ICA1: variants seen among roughly 807,000 people sequenced by gnomAD.
The protein encoded by ICA1 is 69 kDa islet cell autoantigen.
ICA1 carries 40 observed loss-of-function variants against 71.0 expected under a neutral mutation model. The ratio of observed to expected loss-of-function variants is 0.56; its 90% confidence interval spans 0.44 to 0.73. The LOEUF (loss-of-function observed/expected upper bound fraction) is 0.73. Ranked by LOEUF, ICA1 falls within the 30% of genes least tolerant of loss-of-function variation. The pLI, the probability that ICA1 is intolerant of heterozygous loss-of-function variation, is 0.00. For synonymous variants in ICA1, 207 were observed against 209.5 expected (o/e 0.99, Z 0.10); for missense variants, 578 against 576.5 (o/e 1.00, Z -0.03).
At chr7:8,157,596 C>T in intron 7 of ICA1, 1 of 210,582 alleles carries the variant, frequency 4.7e-6, no homozygotes, top group Non-Finnish European at 9.3e-6. Flanking sequence ...TTTCACTTAG[C>T]ACACTCTGCT....
chr7:8,215,015 T>A (rs1794971315), intron 6 of ICA1, among the ~76,000 whole-genome samples: 1 of 152,150 alleles, frequency 6.6e-6, no homozygotes, highest in Non-Finnish European at 1.5e-5. Flanking sequence ...CATGGTTACC[T>A]TATGTCTCAT....
At chr7:8,228,547 A>G (rs1230356810) in intron 4 of ICA1, 54 bp downstream of exon 4, 22 of 1,119,254 alleles carry the variant, frequency 2.0e-5, no homozygotes, top group Non-Finnish European at 2.8e-5. Context: ...TCAAGACAAA[A>G]TACCCTGCTA....
At chr7:8,143,782 T>A (rs1181544440) in intron 9 of ICA1, 93 bp downstream of exon 9, 1 of 764,036 alleles carries the variant, frequency 1.3e-6, no homozygotes, top group East Asian at 2.5e-5. Context: ...AAGACAAGTC[T>A]GCGTCTGAGG....
chr7:8,243,167 A>G (rs1035475461), intron 1 of ICA1, among the ~76,000 whole-genome samples: 1 of 152,246 alleles, frequency 6.6e-6, no homozygotes, highest in African/African-American at 2.4e-5. Context: ...AAAATCCTCA[A>G]TAAAATACTG....
At chr7:8,128,230 T>A in intron 12 of ICA1, 88 bp from the exon 13 acceptor site, 1 of 1,328,504 alleles carries the variant, frequency 7.5e-7, no homozygotes, top group Non-Finnish European at 1.0e-6. Flanking sequence ...AGGGGGAGAC[T>A]GGTTGATGGC....
At chr7:8,118,981 T>C (rs1785727000) in intron 13 of ICA1, among the ~76,000 whole-genome samples, 1 of 152,188 alleles carries the variant, frequency 6.6e-6, no homozygotes, top group South Asian at 2.1e-4. Flanking sequence ...TCTGAGTGAT[T>C]GTTATGTAAG....
intron 8 of ICA1, among the ~76,000 whole-genome samples, chr7:8,152,851 TCAC>T (rs1799926460): frequency 3.0e-5 from 2 of 66,594 alleles, no homozygotes; most frequent in Admixed American, 1.5e-4. Context: ...ACTACCACCA[TCAC>T]CTCCTCCGCC....
At chr7:8,221,475 A>C in intron 4 of ICA1, 77 bp from the exon 5 acceptor site, 1 of 1,522,910 alleles carries the variant, frequency 6.6e-7, no homozygotes, top group Non-Finnish European at 9.1e-7. Flanking sequence ...GACAAATCAC[A>C]AGGTCCTCTC....
At chr7:8,190,847 T>C (rs1294982837) in intron 6 of ICA1, among the ~76,000 whole-genome samples, 5 of 152,224 alleles carry the variant, frequency 3.3e-5, no homozygotes, top group Admixed American at 2.6e-4. Flanking sequence ...TTTTCTGGGC[T>C]GAGTGTTTAG....
intron 12 of ICA1, among the ~76,000 whole-genome samples, chr7:8,131,036 T>C (rs935363804): frequency 6.6e-6 from 1 of 152,188 alleles, no homozygotes; most frequent in Admixed American, 6.5e-5. Context: ...CCCCCAGGCA[T>C]GGTGATTGGC....
At chr7:8,129,766 A>C (rs1275322357) in intron 12 of ICA1, among the ~76,000 whole-genome samples, 2 of 151,972 alleles carry the variant, frequency 1.3e-5, no homozygotes, top group East Asian at 3.9e-4. Flanking sequence ...GGTTTGTTAC[A>C]TATGTATACA....
intron 6 of ICA1, among the ~76,000 whole-genome samples, chr7:8,180,166 C>T (rs530797414): frequency 1.6e-3 from 238 of 151,996 alleles, no homozygotes; most frequent in Middle Eastern, 6.8e-3. Context: ...CAGAAGACTC[C>T]CTTGTATTCT....
Position 8,235,917 on chromosome 7 carries a change from G to A in ICA1, c.10C>T (p.His4Tyr), listed in dbSNP as rs1447901980. The A allele has an allele frequency of 3.7e-6, 6 of 1,613,138 alleles. No individual in the cohort carries two copies. The highest frequency in any genetic ancestry group is 3.3e-5 in the South Asian group (3 of 90,946). The change falls in exon 2 of 14, where the codon CAC (histidine) becomes TAC (tyrosine). Residue 4 changes from histidine to tyrosine, a missense_variant. Transcript: ENST00000402384. ...AGATGACAAATTACTTACCATTTGT[G>A]TCCTGACATGTTTTCTTCTTCTTCT... MSG[H>Y]KCSYPWDLQD...
At chr7:8,187,807 G>T (rs1022377680) in intron 6 of ICA1, among the ~76,000 whole-genome samples, 1 of 152,098 alleles carries the variant, frequency 6.6e-6, no homozygotes, top group Non-Finnish European at 1.5e-5. Flanking sequence ...CATTAGCCCA[G>T]ATTTGCACAG....
chr7:8,119,773 G>A (rs1786139161), intron 13 of ICA1, among the ~76,000 whole-genome samples: 1 of 152,214 alleles, frequency 6.6e-6, no homozygotes, highest in Non-Finnish European at 1.5e-5. Context: ...TTGAACCCGG[G>A]AGGCGGAGGT....
At chr7:8,230,956 C>T (rs1383180762) in intron 3 of ICA1, among the ~76,000 whole-genome samples, 1 of 152,132 alleles carries the variant, frequency 6.6e-6, no homozygotes, top group African/African-American at 2.4e-5. Flanking sequence ...AATAGGCTAA[C>T]ATGGAATTTG....
intron 9 of ICA1, among the ~76,000 whole-genome samples, chr7:8,142,802 CACCAGGAATGGGTTAA>C: frequency 6.6e-6 from 1 of 152,344 alleles, no homozygotes; most frequent in African/African-American, 2.4e-5. Flanking sequence ...CTATTACCAT[CACCAGGAATGGGTTAA>C]ACTGGTTCAC....
At chr7:8,159,270 G>A (rs904674077) in intron 6 of ICA1, among the ~76,000 whole-genome samples, 1 of 152,180 alleles carries the variant, frequency 6.6e-6, no homozygotes, top group African/African-American at 2.4e-5. Context: ...ACTGAGTAAC[G>A]TGTACTAGTA....
intron 1 of ICA1, among the ~76,000 whole-genome samples, chr7:8,259,888 G>A (rs1185646627): frequency 6.6e-6 from 1 of 152,202 alleles, no homozygotes; most frequent in Non-Finnish European, 1.5e-5. Context: ...ATTGCGAATG[G>A]TGGTGGGGTT....
Sources: allele counts gnomAD v4.1 joint callset (sites outside exome capture counted in the v4.1 genomes callset), GRCh38; gene constraint gnomAD v4.1.1; transcripts MANE v1.5; gene names NCBI Gene and HGNC (gene_info 2026-07-23, HGNC 2026-07-21).